Variants in PALM2AKAP2 observed in about 807,000 individuals in gnomAD.
PALM2AKAP2 encodes PALM2 and AKAP2 fusion.
PALM2AKAP2 carries 37 observed loss-of-function variants against 71.5 expected under a neutral mutation model. The ratio of observed to expected loss-of-function variants is 0.52; its 90% CI spans 0.40 to 0.68. PALM2AKAP2 has a LOEUF of 0.68. Ranked by LOEUF, PALM2AKAP2 falls within the 30% of genes least tolerant of loss-of-function variation. The pLI is 0.00. For missense variants in PALM2AKAP2, 1,224 were observed against 1,191.8 expected (o/e 1.03, Z -0.40); for synonymous variants, 468 against 478.8 (o/e 0.98, Z 0.29).
intron 1 of PALM2AKAP2, among the ~76,000 whole-genome samples, chr9:109,708,806 A>G (rs1187887337): frequency 6.6e-6 from 1 of 152,208 alleles, no homozygotes; most frequent in Non-Finnish European, 1.5e-5. Context: ...GCGACACTGG[A>G]AATCCTCCAG....
At chr9:109,824,319 A>G (rs372262525) in intron 1 of PALM2AKAP2, among the ~76,000 whole-genome samples, 2 of 152,148 alleles carry the variant, frequency 1.3e-5, no homozygotes, top group African/African-American at 4.8e-5. Flanking sequence ...CTCAGTCCCC[A>G]CCATAACAGT....
In PALM2AKAP2 at chr9:109,763,296, C is replaced by T. The variant is rs1008841451; in HGVS notation, c.6-17192C>T. ...AGGCCCTATTCATCCTCCCCGCCTC[C>T]TCAAATCTGCCCTTTTCTCTCCATC... On this transcript the variant is annotated intron_variant, in intron 1 of 6. Transcript: ENST00000374531. Among the ~76,000 whole-genome samples, 21 of 152,278 alleles carry T rather than the reference C, an allele frequency of 1.4e-4. 1 individual carries two copies. The highest frequency in any genetic ancestry group is 1.0e-3 in the Admixed American group (16 of 15,298).
chr9:109,962,815 G>A (rs1423201368), intron 6 of PALM2AKAP2, among the ~76,000 whole-genome samples: 1 of 152,110 alleles, frequency 6.6e-6, no homozygotes, highest in Non-Finnish European at 1.5e-5. Flanking sequence ...GCCAACTTTT[G>A]TATTTTTAGT....
Position 109,942,889 on chromosome 9 carries a change from G to A in PALM2AKAP2, c.496+10861G>A, listed in dbSNP as rs747214608. 9 of 1,614,184 alleles carry A rather than the reference G, an allele frequency of 5.6e-6. No homozygotes were observed. In the South Asian group the frequency reaches 9.9e-5, roughly 18 times the overall value. On this transcript the variant is annotated intron_variant, in intron 6 of 9. Transcript: ENST00000302798. ...GCACAAATTAAGCACAAAGGATGTA[G>A]AAGAGCTTATTCAGAAGGCTGGACA...
intron 3 of PALM2AKAP2, among the ~76,000 whole-genome samples, chr9:109,883,409 C>T (rs1407750210): frequency 6.6e-6 from 1 of 152,102 alleles, no homozygotes; most frequent in East Asian, 1.9e-4. Flanking sequence ...GCCAAATGGG[C>T]ACTGGATGTG....
intron 6 of PALM2AKAP2, chr9:109,942,758 C>T: frequency 6.2e-7 from 1 of 1,613,818 alleles, no homozygotes; most frequent in East Asian, 2.2e-5. Context: ...TCTACATCTA[C>T]CATTGGCCCA....
chr9:110,048,492 A>C (rs997248358), upstream of PALM2AKAP2: 3 of 544,836 alleles, frequency 5.5e-6, no homozygotes, highest in African/African-American at 6.3e-5. Context: ...CTCTGCATTC[A>C]TTCATTTCTT....
Position 109,681,213 on chromosome 9 carries a change from T to C in PALM2AKAP2, c.5+40347T>C, listed in dbSNP as rs777015958. Among the ~76,000 whole-genome samples the C allele has an allele frequency of 2.0e-5, 3 of 152,216 alleles. No individual in the cohort carries two copies. In the South Asian group the frequency reaches 6.2e-4, roughly 32 times the overall value. On this transcript the variant is annotated intron_variant, in intron 1 of 6. Coordinates refer to the PALM2AKAP2 transcript ENST00000374531. ...TTTCTTCCACTGGTCTATGAGCTCA[T>C]TGAGGACACATTAACTGCCCACACA...
At chr9:110,011,012 A>ATATATATATATATATATATATATATATAT (rs59242587) in intron 6 of PALM2AKAP2, among the ~76,000 whole-genome samples, 1 of 90,510 alleles carries the variant, frequency 1.1e-5, no homozygotes, top group Non-Finnish European at 2.0e-5. Context: ...AAAAAAAAAA[A>ATATATATATATATATATATATATATATAT]AAATATATAT....
At chr9:110,049,817 G>A (rs1392631554) in intron 1 of PALM2AKAP2, among the ~76,000 whole-genome samples, 1 of 152,214 alleles carries the variant, frequency 6.6e-6, no homozygotes, top group Non-Finnish European at 1.5e-5. Context: ...GAGCTGTGGC[G>A]CTGGTGGCCG....
chr9:109,832,885 G>C (rs932501253), intron 1 of PALM2AKAP2, among the ~76,000 whole-genome samples: 2 of 152,162 alleles, frequency 1.3e-5, no homozygotes, highest in African/African-American at 2.4e-5. Flanking sequence ...AACACTTCGG[G>C]CACTAACTCG....
intron 1 of PALM2AKAP2, among the ~76,000 whole-genome samples, chr9:110,064,229 G>A (rs1298035170): frequency 6.6e-6 from 1 of 152,216 alleles, no homozygotes; most frequent in Non-Finnish European, 1.5e-5. Flanking sequence ...GGAGGAAGGA[G>A]TGGAAGTAAA....
intron 1 of PALM2AKAP2, among the ~76,000 whole-genome samples, chr9:109,790,529 A>G (rs1827087166): frequency 6.6e-6 from 1 of 152,186 alleles, no homozygotes; most frequent in East Asian, 1.9e-4. Context: ...GCTAATGTCG[A>G]CAACTTTGAG....
At chr9:109,731,604 T>C (rs1221415181) in intron 1 of PALM2AKAP2, among the ~76,000 whole-genome samples, 1 of 152,200 alleles carries the variant, frequency 6.6e-6, no homozygotes, top group Non-Finnish European at 1.5e-5. Flanking sequence ...GGGTGAGTTA[T>C]GTTACATCTA....
At chr9:110,028,904 G>A (rs260188) in intron 7 of PALM2AKAP2, among the ~76,000 whole-genome samples, 22,622 of 148,138 alleles carry the variant, frequency 0.15, 1,802 homozygotes, top group East Asian at 0.29. Flanking sequence ...AATGTGTTTT[G>A]ATTATTGTCC....
chr9:109,961,152 C>G (rs567757459), intron 6 of PALM2AKAP2, among the ~76,000 whole-genome samples: 1 of 152,372 alleles, frequency 6.6e-6, no homozygotes, highest in South Asian at 2.1e-4. Flanking sequence ...CAGGCAAAAG[C>G]AACCTATCCG....
intron 6 of PALM2AKAP2, among the ~76,000 whole-genome samples, chr9:109,961,022 G>A (rs1831842274): frequency 6.6e-6 from 1 of 152,210 alleles, no homozygotes; most frequent in East Asian, 1.9e-4. Context: ...CAGCAGGGCT[G>A]CCAAGTATGA....
chr9:109,868,592 A>G (rs1227684051), intron 2 of PALM2AKAP2, among the ~76,000 whole-genome samples: 1 of 152,212 alleles, frequency 6.6e-6, no homozygotes, highest in Non-Finnish European at 1.5e-5. Context: ...TTTTCTAGAA[A>G]ACAGGATTGT....
At chr9:109,658,547 T>C (rs1378068945) in intron 1 of PALM2AKAP2, among the ~76,000 whole-genome samples, 1 of 152,164 alleles carries the variant, frequency 6.6e-6, no homozygotes, top group Non-Finnish European at 1.5e-5. Context: ...AGAAAGTTAT[T>C]TTATTAGTTC....
Sources: allele counts gnomAD v4.1 joint callset (sites outside exome capture counted in the v4.1 genomes callset), GRCh38; gene constraint gnomAD v4.1.1; transcripts MANE v1.5; gene names NCBI Gene and HGNC (gene_info 2026-07-23, HGNC 2026-07-21).